The following MAP2K3 variants were observed in gnomAD, a reference collection of about 807,000 sequenced individuals.
MAP2K3 encodes mitogen-activated protein kinase kinase 3.
A neutral mutation model predicts 46.4 loss-of-function variants in MAP2K3; 30 were observed. That is an observed-to-expected ratio of 0.65 (90% CI 0.48 to 0.88). The LOEUF is 0.88. MAP2K3 is among the 40% of genes least tolerant of loss of function. The pLI, the probability that MAP2K3 is intolerant of heterozygous loss-of-function variation, is 0.00. For missense variants in MAP2K3, 380 were observed against 464.5 expected, an observed-to-expected ratio of 0.82 and a Z score of 1.67; for synonymous variants, 189 against 176.3, an observed-to-expected ratio of 1.07 and a Z score of -0.57.
At chr17:21,293,471 G>A (rs1361435857) in intron 1 of MAP2K3, among the ~76,000 whole-genome samples, 3 of 152,426 alleles carry the variant, frequency 2.0e-5, no homozygotes, top group Admixed American at 2.0e-4. Flanking sequence ...TTGCCCCTGT[G>A]CAGCTGAGCA....
At chr17:21,301,360 G>T (rs1976590219) in intron 5 of MAP2K3, among the ~76,000 whole-genome samples, 1 of 152,310 alleles carries the variant, frequency 6.6e-6, no homozygotes, top group Admixed American at 6.5e-5. Flanking sequence ...ATGGAGATAT[G>T]AGATCTGGAT....
chr17:21,284,723 G>A lies in MAP2K3; in HGVS notation c.-198G>A, dbSNP rs771122612. 2.3e-4 allele frequency: 119 copies of A among 508,946 alleles called. No homozygotes were observed. Among genetic ancestry groups the A allele is most frequent in the Non-Finnish European group, 3.4e-4 (101 of 298,608 alleles). The allele number at this position is 508,946 out of a possible 1,614,324, so 31.5% of individuals were successfully genotyped here. A position where few individuals can be genotyped will look rare whatever the true frequency, so the allele number is the denominator to read the frequency against. ...CCCGGCGCTGCCCAGTCTGTCTCCG[G>A]CGCCGCCCGTCGCGGACTCGTCCTT... is the stretch of plus-strand genomic sequence containing the variant. On this transcript the variant is annotated 5_prime_UTR_variant, in exon 1 of 12. Transcript: ENST00000342679.
In MAP2K3 at chr17:21,314,233, G is replaced by C. The variant is rs774124582; in HGVS notation, c.*3G>C. On this transcript the variant is annotated 3_prime_UTR_variant, in exon 12 of 12. Transcript: ENST00000342679. The stretch of plus-strand genomic sequence containing the variant: ...AGATCCTGGGAGAAGACTCATAGGG[G>C]CTGGGCCTCGGACCCCACTCCGGCC... 1 of 1,613,256 alleles carries C rather than the reference G, an allele frequency of 6.2e-7. No individual in the cohort carries two copies. The highest frequency in any genetic ancestry group is 2.2e-5 in the East Asian group (1 of 44,884).
intron 4 of MAP2K3, 85 bp from the exon 5 acceptor site, chr17:21,300,789 C>G: frequency 2.5e-6 from 4 of 1,610,400 alleles, no homozygotes; most frequent in Non-Finnish European, 3.4e-6. Flanking sequence ...TGGGCAGTGG[C>G]CCCCTGAGCT....
chr17:21,290,279 T>C (rs935759745), intron 1 of MAP2K3, among the ~76,000 whole-genome samples: 5 of 152,032 alleles, frequency 3.3e-5, no homozygotes, highest in Non-Finnish European at 7.4e-5. Context: ...GAGGCACACG[T>C]TGGAGGCCTG....
At chr17:21,301,016 T>G in intron 5 of MAP2K3, 23 bp downstream of exon 5, 1 of 1,613,910 alleles carries the variant, frequency 6.2e-7, no homozygotes, top group South Asian at 1.1e-5. Context: ...ATGATGCAGC[T>G]GGGGATCTCC....
chr17:21,308,896 G>A (rs1387420554), intron 9 of MAP2K3, among the ~76,000 whole-genome samples: 2 of 152,274 alleles, frequency 1.3e-5, no homozygotes, highest in African/African-American at 2.4e-5. Context: ...ACTTGGACAA[G>A]TGTGTGCTAA....
intron 1 of MAP2K3, among the ~76,000 whole-genome samples, chr17:21,293,726 C>T (rs1020356662): frequency 6.6e-6 from 1 of 152,308 alleles, no homozygotes; most frequent in Admixed American, 6.5e-5. Flanking sequence ...GGTCACTCCT[C>T]CTCACCCTAG....
intron 1 of MAP2K3, chr17:21,295,567 C>T: frequency 8.0e-7 from 1 of 1,255,008 alleles, no homozygotes; most frequent in Non-Finnish European, 1.0e-6. Flanking sequence ...AGCCTGAGGC[C>T]TGTTTCTAGG....
At chr17:21,312,056 G>A in intron 9 of MAP2K3, 86 bp from the exon 10 acceptor site, 1 of 1,301,356 alleles carries the variant, frequency 7.7e-7, no homozygotes, top group South Asian at 1.6e-5. Flanking sequence ...GTACCAGGAT[G>A]GGTGGGAGCC....
intron 4 of MAP2K3, 31 bp from the exon 5 acceptor site, chr17:21,300,843 G>T: frequency 6.2e-7 from 1 of 1,613,750 alleles, no homozygotes. Flanking sequence ...CTCTGCCACG[G>T]CAACCTCTGA....
intron 7 of MAP2K3, among the ~76,000 whole-genome samples, 167 bp downstream of exon 7, chr17:21,303,401 C>A (rs533436080): frequency 6.6e-6 from 1 of 152,308 alleles, no homozygotes; most frequent in Admixed American, 6.5e-5. Flanking sequence ...CAGCTGCCTC[C>A]CCTCAGGTTT....
In MAP2K3 at chr17:21,298,450, C is replaced by G. The variant is rs761908122; in HGVS notation, c.87C>G (p.Cys29Trp). 1.9e-6 allele frequency: 3 copies of G among 1,614,196 alleles called. No homozygotes were observed. Among genetic ancestry groups the G allele is most frequent in the African/African-American group, 2.7e-5 (2 of 74,966 alleles). ...SKRKKDLRIS[C>W]MSKPPAPNPT... ...GGAAGAAGGATCTACGGATATCCTG[C>G]ATGTCCAAGCCACCCGCACCCAACC... is the stretch of plus-strand genomic sequence containing the variant. Residue 29 changes from cysteine to tryptophan, a missense_variant, in exon 2 of 12, where the codon TGC (cysteine) becomes TGG (tryptophan). By Grantham distance (215) the Cys-to-Trp change is radical. Transcript: ENST00000342679.
At chr17:21,293,933 T>G (rs1458890288) in intron 1 of MAP2K3, among the ~76,000 whole-genome samples, 2 of 152,296 alleles carry the variant, frequency 1.3e-5, no homozygotes, top group African/African-American at 2.4e-5. Flanking sequence ...TGCCTGAAGG[T>G]GCATGGCCAC....
chr17:21,295,940 C>T (rs1187855738), intron 1 of MAP2K3: 5 of 1,239,170 alleles, frequency 4.0e-6, no homozygotes, highest in Admixed American at 4.7e-5. Flanking sequence ...GGGCTGGGGG[C>T]AAGGTCAAGG....
At chr17:21,308,696 G>A (rs1289728827) in intron 9 of MAP2K3, among the ~76,000 whole-genome samples, 2 of 152,220 alleles carry the variant, frequency 1.3e-5, no homozygotes, top group African/African-American at 2.4e-5. Context: ...TAAGTTTGAT[G>A]CAAAGGACAA....
At chr17:21,311,907 G>A (rs1256430810) in intron 9 of MAP2K3, 2 of 457,682 alleles carry the variant, frequency 4.4e-6, no homozygotes, top group Non-Finnish European at 7.6e-6. Context: ...CAGTCCCGGT[G>A]TGGGCTGAAT....
intron 1 of MAP2K3, among the ~76,000 whole-genome samples, chr17:21,290,306 G>A (rs3760201): frequency 0.71 from 107,742 of 152,120 alleles, 38,594 homozygotes; most frequent in African/African-American, 0.79. Flanking sequence ...ACGGCTCTGG[G>A]TATGGGGATG....
rs1673841 is a variant in MAP2K3 at position 21,309,006 on chromosome 17, G to A, written c.775-3136G>A. On this transcript the variant is annotated intron_variant, in intron 9 of 11. Coordinates refer to ENST00000342679, the MANE Select transcript of MAP2K3 (RefSeq NM_145109.3). ...TTATTTCTCATGTTTCCACCACTGT[G>A]GCTGGGCTCAGCTGGATGGCTCTTC... Among the ~76,000 whole-genome samples, 5 of 152,300 alleles carry A rather than the reference G, an allele frequency of 3.3e-5. No individual in the cohort carries two copies. The East Asian group carries it at 9.6e-4, about 29-fold the overall frequency.
Sources: allele counts gnomAD v4.1 joint callset (sites outside exome capture counted in the v4.1 genomes callset), GRCh38; gene constraint gnomAD v4.1.1; transcripts MANE v1.5; gene names NCBI Gene and HGNC (gene_info 2026-07-23, HGNC 2026-07-21).